The following RGS6 variants were observed in gnomAD, a reference collection of about 807,000 sequenced individuals.
RGS6 encodes regulator of G protein signaling 6, also known as regulator of G-protein signaling 6.
A neutral mutation model predicts 78.5 loss-of-function variants in RGS6; 30 were observed. The ratio of observed to expected loss-of-function variants is 0.38; its 90% CI spans 0.29 to 0.52. The LOEUF (loss-of-function observed/expected upper bound fraction) is 0.52. Among genes scored for constraint, RGS6 ranks in the 20% least tolerant of loss-of-function variants. RGS6 has a pLI of 0.85. For missense variants in RGS6, 495 were observed against 609.7 expected (o/e 0.81, Z 1.98); for synonymous variants, 206 against 206.0 (o/e 1.00, Z 0.00).
chr14:72,319,237 A>G (rs2071170710), intron 2 of RGS6, among the ~76,000 whole-genome samples: 2 of 152,236 alleles, frequency 1.3e-5, no homozygotes, highest in South Asian at 4.1e-4. Flanking sequence ...TTGACGACTT[A>G]AAGAAACCAC....
At chr14:71,879,523 G>T in the RGS6 span, among the ~76,000 whole-genome samples, 1 of 152,286 alleles carries the variant, frequency 6.6e-6, no homozygotes, top group South Asian at 2.1e-4. Flanking sequence ...TTGTGGGAGG[G>T]ACCTGGTGGG....
At chr14:71,880,504 A>G in the RGS6 span, among the ~76,000 whole-genome samples, 1 of 152,172 alleles carries the variant, frequency 6.6e-6, no homozygotes, top group African/African-American at 2.4e-5. Context: ...GCTGTTGTGC[A>G]GTCTAGGAAC....
chr14:72,549,418 G>T (rs1438644622), intron 17 of RGS6, among the ~76,000 whole-genome samples: 1 of 152,152 alleles, frequency 6.6e-6, no homozygotes, highest in Non-Finnish European at 1.5e-5. Context: ...CCATGTGCGT[G>T]GGGCGTCCTG....
At chr14:72,242,125 A>G (rs906214930) in intron 2 of RGS6, among the ~76,000 whole-genome samples, 7 of 152,220 alleles carry the variant, frequency 4.6e-5, no homozygotes, top group African/African-American at 1.4e-4. Context: ...AGAAAAGACA[A>G]TATTTATTTA....
chr14:72,322,390 A>C (rs1427457052), intron 2 of RGS6, among the ~76,000 whole-genome samples: 1 of 152,034 alleles, frequency 6.6e-6, no homozygotes, highest in East Asian at 1.9e-4. Context: ...GAAATGAATT[A>C]GTATAGAAGA....
intron 17 of RGS6, chr14:72,540,433 A>C: frequency 6.8e-7 from 1 of 1,474,350 alleles, no homozygotes; most frequent in Middle Eastern, 1.8e-4. Context: ...GCAGCAGCTC[A>C]GGGAGAAGCC....
chr14:72,324,278 T>A (rs2073056396), intron 2 of RGS6, among the ~76,000 whole-genome samples: 6 of 152,124 alleles, frequency 3.9e-5, no homozygotes, highest in Admixed American at 3.9e-4. Context: ...ACTGAATACC[T>A]CTTTAGAAAA....
chr14:72,169,516 G>A (rs1208316314), intron 2 of RGS6, among the ~76,000 whole-genome samples: 1 of 152,204 alleles, frequency 6.6e-6, no homozygotes, highest in Non-Finnish European at 1.5e-5. Context: ...CTTACTTAGG[G>A]TGGTGGTGCA....
At chr14:72,235,178 T>C (rs73301160) in intron 2 of RGS6, among the ~76,000 whole-genome samples, 4,724 of 152,208 alleles carry the variant, frequency 0.031, 242 homozygotes, top group African/African-American at 0.11. Context: ...TGTGGGCAGG[T>C]AGGAGTATGC....
chr14:72,629,610 AG>A, the RGS6 span: 8 of 1,532,286 alleles, frequency 5.2e-6, no homozygotes, highest in Admixed American at 1.6e-4. Context: ...CCACAGGGAA[AG>A]CCCCAAACTC....
At chr14:71,938,090 C>G (rs1186070111) in intron 1 of RGS6, among the ~76,000 whole-genome samples, 10 of 152,128 alleles carry the variant, frequency 6.6e-5, no homozygotes, top group Non-Finnish European at 1.5e-4. Flanking sequence ...GAGTGGTGTC[C>G]ACAGAACAGG....
intron 2 of RGS6, among the ~76,000 whole-genome samples, chr14:71,981,024 G>A (rs1360158609): frequency 6.9e-6 from 1 of 145,044 alleles, no homozygotes; most frequent in Non-Finnish European, 1.5e-5. Context: ...ATCTTCCATT[G>A]CTGATACCCT....
chr14:72,072,397 C>A (rs986911531), intron 2 of RGS6, among the ~76,000 whole-genome samples: 12 of 152,120 alleles, frequency 7.9e-5, no homozygotes, highest in Admixed American at 3.9e-4. Context: ...CAACCTCTGC[C>A]TCTTGGGTTC....
At chr14:72,540,557 G>A in intron 17 of RGS6, 1 of 1,557,184 alleles carries the variant, frequency 6.4e-7, no homozygotes, top group Non-Finnish European at 8.7e-7. Flanking sequence ...TGGGTCGCGA[G>A]CTAATGTTGC....
chr14:72,479,376 G>C (rs1373220828), intron 12 of RGS6, among the ~76,000 whole-genome samples: 2 of 152,190 alleles, frequency 1.3e-5, no homozygotes, highest in African/African-American at 4.8e-5. Context: ...TTCTGAGCCA[G>C]ATAATTCCTT....
chr14:72,459,738 G>A, intron 6 of RGS6, 55 bp downstream of exon 6: 1 of 1,565,998 alleles, frequency 6.4e-7, no homozygotes, highest in Non-Finnish European at 8.8e-7. Context: ...GTCACTTCTG[G>A]GGGTGCAGAA....
intron 2 of RGS6, among the ~76,000 whole-genome samples, chr14:72,153,321 G>C (rs1253830672): frequency 6.6e-6 from 1 of 152,202 alleles, no homozygotes; most frequent in Non-Finnish European, 1.5e-5. Flanking sequence ...AGAGTTTAAA[G>C]CAGAACATTG....
Position 72,339,372 on chromosome 14 carries a change from C to T in RGS6, c.85-12723C>T, listed in dbSNP as rs1217803624. Among the ~76,000 whole-genome samples the T allele has an allele frequency of 2.6e-5, 4 of 152,176 alleles. No homozygotes were observed. In the East Asian group the frequency reaches 7.7e-4, roughly 29 times the overall value. On this transcript the variant is annotated intron_variant, in intron 2 of 17. Coordinates refer to ENST00000553525, the MANE Select transcript of RGS6 (RefSeq NM_001204424.2). ...ATCTTGAACTTACCAGCCTCCTGAACTGTGAGTAATAAATTTCTATTGTTT... is the reference window on the plus strand; with the variant it reads ...ATCTTGAACTTACCAGCCTCCTGAATTGTGAGTAATAAATTTCTATTGTTT...
At chr14:72,097,330 GAATT>G (rs1331778853) in intron 2 of RGS6, among the ~76,000 whole-genome samples, 2 of 152,160 alleles carry the variant, frequency 1.3e-5, no homozygotes, top group Non-Finnish European at 2.9e-5. Context: ...AAAATAAATA[GAATT>G]AATTTTCTTA....
Sources: allele counts gnomAD v4.1 joint callset (sites outside exome capture counted in the v4.1 genomes callset), GRCh38; gene constraint gnomAD v4.1.1; transcripts MANE v1.5; gene names NCBI Gene and HGNC (gene_info 2026-07-23, HGNC 2026-07-21).